IFT74: variants seen among roughly 807,000 people sequenced by gnomAD.
IFT74 encodes the protein intraflagellar transport 74, also known as intraflagellar transport protein 74 homolog.
Under a neutral mutation model 96.7 loss-of-function variants are expected in IFT74, and 92 were observed. That is an observed-to-expected ratio of 0.95 (90% CI 0.80 to 1.13). The LOEUF is 1.13. Ranked by LOEUF, IFT74 falls within the 50% of genes most tolerant of loss-of-function variation. The pLI is 0.00. For synonymous variants in IFT74, 223 were observed against 213.2 expected, an observed-to-expected ratio of 1.05 and a Z score of -0.40; for missense variants, 811 against 698.2, an observed-to-expected ratio of 1.16 and a Z score of -1.82.
At chr9:26,982,422 G>A in intron 4 of IFT74, 1 of 406,454 alleles carries the variant, frequency 2.5e-6, no homozygotes, top group Non-Finnish European at 4.8e-6. Flanking sequence ...GATTACGGGT[G>A]CCTGCCACCA....
chr9:27,044,572 A>G (rs919777970), intron 13 of IFT74, among the ~76,000 whole-genome samples, 170 bp from the exon 14 acceptor site: 1 of 152,226 alleles, frequency 6.6e-6, no homozygotes, highest in Non-Finnish European at 1.5e-5. Context: ...AGTTACATGC[A>G]TATGTCTACT....
At chr9:27,034,070 G>A (rs1830248539) in intron 13 of IFT74, among the ~76,000 whole-genome samples, 1 of 152,114 alleles carries the variant, frequency 6.6e-6, no homozygotes, top group Non-Finnish European at 1.5e-5. Context: ...GACAAATAGA[G>A]TTAACAAATG....
chr9:26,950,050 C>G (rs143927861), intron 1 of IFT74, among the ~76,000 whole-genome samples: 2 of 152,174 alleles, frequency 1.3e-5, no homozygotes, highest in African/African-American at 2.4e-5. Flanking sequence ...AGGTGGCTCA[C>G]GCCTGTAATC....
chr9:27,060,581 A>G lies in IFT74; in HGVS notation c.1624-10A>G, dbSNP rs768752135. 2.5e-6 allele frequency: 4 copies of G among 1,576,790 alleles called. No homozygotes were observed. Among genetic ancestry groups the G allele is most frequent in the Non-Finnish European group, 3.5e-6 (4 of 1,155,320 alleles). On this transcript the variant is annotated splice_polypyrimidine_tract_variant and intron_variant, in intron 18 of 19. Transcript: ENST00000380062. The stretch of plus-strand genomic sequence containing the variant: ...GGGTCCTAATTAATATTTTTCTTTT[A>G]TGTTTTTAGCTTACAAATTTGGAGA...
At chr9:26,947,390 T>G in intron 1 of IFT74, 1 of 238,888 alleles carries the variant, frequency 4.2e-6, no homozygotes. Context: ...AGGCCCGCCC[T>G]TCCACCAGGA....
In IFT74 at chr9:27,048,200, T is replaced by A. The variant is rs748924484; in HGVS notation, c.1259T>A (p.Met420Lys). The part of the protein sequence containing the change: ...ISSITNQELK[M>K]MQDDLNFKST... The stretch of plus-strand genomic sequence containing the variant: ...TCTATCACCAATCAAGAGCTAAAGA[T>A]GATGCAGGATGACCTCAATTTTAAA... The change falls in exon 16 of 20, where the codon ATG becomes AAG. Residue 420 changes from methionine (M) to lysine (K), a missense_variant. Coordinates refer to ENST00000380062, the MANE Select transcript of IFT74 (RefSeq NM_025103.4). 8 of 1,600,914 alleles carry A rather than the reference T, an allele frequency of 5.0e-6. No individual in the cohort carries two copies. In the African/African-American group the frequency reaches 1.1e-4, roughly 21 times the overall value.
intron 10 of IFT74, among the ~76,000 whole-genome samples, chr9:27,014,524 C>A (rs1800973721): frequency 6.6e-6 from 1 of 152,082 alleles, no homozygotes; most frequent in African/African-American, 2.4e-5. Flanking sequence ...CCTAAAATAA[C>A]AAGAGTTTTA....
chr9:26,968,231 C>G (rs945949289), intron 2 of IFT74, among the ~76,000 whole-genome samples: 3 of 149,984 alleles, frequency 2.0e-5, no homozygotes, highest in Non-Finnish European at 4.4e-5. Flanking sequence ...CTGAGCTTTT[C>G]TTTGCTGGGA....
chr9:27,058,999 A>G (rs1789554756), intron 18 of IFT74, among the ~76,000 whole-genome samples: 1 of 151,962 alleles, frequency 6.6e-6, no homozygotes, highest in African/African-American at 2.4e-5. Context: ...GGAAAAAAAT[A>G]CTGATACTTC....
intron 10 of IFT74, among the ~76,000 whole-genome samples, chr9:27,015,542 C>T (rs1563976486): frequency 1.3e-5 from 2 of 152,098 alleles, no homozygotes; most frequent in Non-Finnish European, 2.9e-5. Context: ...GAGGCTGAGG[C>T]AGGAGAATCG....
chr9:26,991,154 T>C (rs1827847459), intron 8 of IFT74, among the ~76,000 whole-genome samples: 1 of 152,220 alleles, frequency 6.6e-6, no homozygotes, highest in African/African-American at 2.4e-5. Context: ...TGATGATGGA[T>C]AGATGTTAAA....
At chr9:26,948,028 A>G (rs1174127655) in intron 1 of IFT74, among the ~76,000 whole-genome samples, 1 of 152,062 alleles carries the variant, frequency 6.6e-6, no homozygotes, top group Non-Finnish European at 1.5e-5. Context: ...GCATCCAACT[A>G]CACTTTTCCA....
At chr9:27,026,029 A>C (rs538349628) in intron 12 of IFT74, among the ~76,000 whole-genome samples, 1 of 152,312 alleles carries the variant, frequency 6.6e-6, no homozygotes, top group Non-Finnish European at 1.5e-5. Flanking sequence ...GCTCCACTTA[A>C]ATATACAGAA....
chr9:27,052,687 T>C (rs1819984541), intron 16 of IFT74, among the ~76,000 whole-genome samples: 1 of 152,178 alleles, frequency 6.6e-6, no homozygotes. Flanking sequence ...ATTAATTTCA[T>C]TTACTACATT....
chr9:26,982,273 T>C (rs1164980584), intron 4 of IFT74: 5 of 6,154 alleles, frequency 8.1e-4, no homozygotes, highest in East Asian at 0.019. Context: ...GCTTTTTTTC[T>C]TTTTTTTTTG....
At chr9:26,956,743 G>A (rs1826123827) in intron 1 of IFT74, among the ~76,000 whole-genome samples, 1 of 152,168 alleles carries the variant, frequency 6.6e-6, no homozygotes, top group Admixed American at 6.5e-5. Flanking sequence ...CAGGAGACCC[G>A]CCAAGCACAG....
At chr9:26,979,700 T>C (rs1449950571) in intron 3 of IFT74, among the ~76,000 whole-genome samples, 2 of 137,120 alleles carry the variant, frequency 1.5e-5, no homozygotes, top group African/African-American at 5.6e-5. Context: ...CTAGGAACAC[T>C]TTCTTTTTTT....
chr9:27,057,908 A>G (rs1820240025), intron 18 of IFT74, among the ~76,000 whole-genome samples: 1 of 152,158 alleles, frequency 6.6e-6, no homozygotes, highest in East Asian at 1.9e-4. Context: ...TGATCATGAT[A>G]GAGCAAAATA....
rs11354662 is a variant in IFT74, at chr9:27,037,220, C to CAA, written c.1055-7504_1055-7503dup. 1.1e-3 allele frequency among the ~76,000 whole-genome samples: 101 copies of CAA among 91,314 alleles called. 2 individuals carry two copies. The highest frequency in any genetic ancestry group is 4.4e-3 in the Admixed American group (37 of 8,442). 59.9% of individuals were successfully genotyped at this position (91,314 alleles called of 152,430 possible). A position where few individuals can be genotyped will look rare whatever the true frequency, so the allele number is the denominator to read the frequency against. ...GGGCAGCAAGAGTGAAATCCCATCT[C>CAA]AAAAAAAAAAAAAAAAAAAGCTTGC... On this transcript the variant is annotated intron_variant, in intron 13 of 19. Coordinates refer to ENST00000380062, the MANE Select transcript of IFT74 (RefSeq NM_025103.4).
Sources: gnomAD v4.1 joint callset for allele counts (sites outside exome capture counted in the v4.1 genomes callset) on GRCh38, gnomAD v4.1.1 for gene constraint, MANE v1.5 for transcripts, NCBI Gene and HGNC (gene_info 2026-07-23, HGNC 2026-07-21) for gene names.